GALNTL6: variants seen among roughly 807,000 people sequenced by gnomAD.
GALNTL6 encodes polypeptide N-acetylgalactosaminyltransferase-like 6.
A neutral mutation model predicts 73.7 loss-of-function variants in GALNTL6; 46 were observed. The observed-to-expected ratio is 0.62, with a 90% CI of 0.49 to 0.80. GALNTL6 has a LOEUF of 0.80. GALNTL6 is among the 30% of genes least tolerant of loss of function. The pLI is 0.00. For synonymous variants in GALNTL6, 259 were observed against 263.7 expected, an observed-to-expected ratio of 0.98 and a Z score of 0.17; for missense variants, 604 against 755.0, an observed-to-expected ratio of 0.80 and a Z score of 2.34.
chr4:172,528,307 T>G (rs1735029685), intron 5 of GALNTL6, among the ~76,000 whole-genome samples: 1 of 133,310 alleles, frequency 7.5e-6, no homozygotes, highest in Non-Finnish European at 1.6e-5. Context: ...ACATTTGGCT[T>G]GCTAGAAATA....
At chr4:172,342,979 G>T (rs1326523035) in intron 4 of GALNTL6, among the ~76,000 whole-genome samples, 2 of 152,148 alleles carry the variant, frequency 1.3e-5, no homozygotes, top group Non-Finnish European at 2.9e-5. Context: ...CAAGATGTTG[G>T]CTATTTCTGC....
intron 2 of GALNTL6, among the ~76,000 whole-genome samples, chr4:171,853,063 C>T (rs1309140170): frequency 8.3e-6 from 1 of 120,448 alleles, no homozygotes; most frequent in African/African-American, 3.0e-5. Flanking sequence ...CGGGGTTTCA[C>T]CGTGTTAGCC....
intron 5 of GALNTL6, among the ~76,000 whole-genome samples, chr4:172,445,260 C>A (rs904702844): frequency 6.6e-6 from 1 of 152,056 alleles, no homozygotes; most frequent in South Asian, 2.1e-4. Flanking sequence ...AAGAAGGTTC[C>A]CATTTCCAAA....
intron 3 of GALNTL6, among the ~76,000 whole-genome samples, chr4:172,299,474 G>A (rs1217656194): frequency 6.6e-6 from 1 of 151,896 alleles, no homozygotes; most frequent in Non-Finnish European, 1.5e-5. Flanking sequence ...TGTCAATTTT[G>A]GATCTTTCCT....
intron 3 of GALNTL6, among the ~76,000 whole-genome samples, chr4:172,242,809 T>C (rs1737492604): frequency 6.6e-6 from 1 of 152,238 alleles, no homozygotes; most frequent in East Asian, 1.9e-4. Flanking sequence ...GCATAAGGCA[T>C]TGTAGGAGGT....
chr4:172,967,905 A>T (rs1750406120), intron 10 of GALNTL6, among the ~76,000 whole-genome samples: 1 of 152,182 alleles, frequency 6.6e-6, no homozygotes, highest in Non-Finnish European at 1.5e-5. Context: ...TCAATACTCA[A>T]GTACTTCCCT....
chr4:172,660,937 A>C (rs969676059), intron 5 of GALNTL6, among the ~76,000 whole-genome samples: 1 of 152,242 alleles, frequency 6.6e-6, no homozygotes, highest in Non-Finnish European at 1.5e-5. Flanking sequence ...GACCTACTGC[A>C]GAGGTTTTAT....
chr4:172,561,786 C>T (rs1736380960), intron 5 of GALNTL6, among the ~76,000 whole-genome samples: 1 of 152,120 alleles, frequency 6.6e-6, no homozygotes, highest in African/African-American at 2.4e-5. Context: ...GAGGTGAGAC[C>T]CAGGCATCAC....
chr4:172,413,729 T>G (rs182651135), intron 5 of GALNTL6, among the ~76,000 whole-genome samples: 3,135 of 152,004 alleles, frequency 0.021, 105 homozygotes, highest in African/African-American at 0.071. Flanking sequence ...ATAGATTACC[T>G]GAAAGGGAAA....
chr4:172,100,132 A>G (rs1332599952), intron 2 of GALNTL6, among the ~76,000 whole-genome samples: 4 of 152,152 alleles, frequency 2.6e-5, no homozygotes, highest in African/African-American at 7.2e-5. Flanking sequence ...TAAGAATTAT[A>G]TTGGTTACTT....
chr4:172,566,887 T>A (rs1323940746), intron 5 of GALNTL6, among the ~76,000 whole-genome samples: 1 of 152,116 alleles, frequency 6.6e-6, no homozygotes, highest in Non-Finnish European at 1.5e-5. Context: ...TATGCACAAT[T>A]ACACACCAAT....
chr4:172,031,268 G>A (rs1384964773), intron 2 of GALNTL6, among the ~76,000 whole-genome samples: 2 of 152,016 alleles, frequency 1.3e-5, no homozygotes, highest in Non-Finnish European at 2.9e-5. Flanking sequence ...CAAAAATTAA[G>A]TATGTTTACT....
intron 2 of GALNTL6, among the ~76,000 whole-genome samples, chr4:172,146,564 A>T (rs1380569217): frequency 6.6e-6 from 1 of 152,204 alleles, no homozygotes; most frequent in Non-Finnish European, 1.5e-5. Flanking sequence ...TGGTAAATGT[A>T]TTATTCAGAA....
intron 2 of GALNTL6, among the ~76,000 whole-genome samples, chr4:171,905,545 G>A (rs1171066773): frequency 1.3e-5 from 2 of 149,902 alleles, no homozygotes; most frequent in Non-Finnish European, 3.0e-5. Flanking sequence ...TTAATAATGG[G>A]AGACTTTAAC....
chr4:172,811,107 T>C (rs1268007029), intron 6 of GALNTL6, among the ~76,000 whole-genome samples: 1 of 152,178 alleles, frequency 6.6e-6, no homozygotes, highest in Admixed American at 6.5e-5. Context: ...TTTTCCTCTA[T>C]CAGTGTCTTG....
intron 10 of GALNTL6, among the ~76,000 whole-genome samples, chr4:172,959,877 G>C (rs1300225703): frequency 1.3e-5 from 2 of 152,222 alleles, no homozygotes; most frequent in Non-Finnish European, 2.9e-5. Flanking sequence ...CCTGCCTGCT[G>C]CGGTTTAGGC....
At position 172,234,780 on chromosome 4, in the gene GALNTL6, A is replaced by G. The variant is rs191448767; in HGVS notation, c.247+5016A>G. Among the ~76,000 whole-genome samples, 50 of 152,214 alleles carry G rather than the reference A, an allele frequency of 3.3e-4. 4 individuals are homozygous for G. The highest frequency in any genetic ancestry group is 2.9e-3 in the Admixed American group (45 of 15,286). On this transcript the variant is annotated intron_variant, in intron 3 of 12. Coordinates refer to ENST00000506823, the MANE Select transcript of GALNTL6 (RefSeq NM_001034845.3). ...TTCTATTCTTATCAAGTCTTTGTCAAGTTTTGGTAACAGTATAATGAGCTC... is the reference window on the plus strand; with the variant it reads ...TTCTATTCTTATCAAGTCTTTGTCAGGTTTTGGTAACAGTATAATGAGCTC...
chr4:172,230,857 G>A (rs1380386932), intron 3 of GALNTL6, among the ~76,000 whole-genome samples: 2 of 152,030 alleles, frequency 1.3e-5, no homozygotes, highest in African/African-American at 2.4e-5. Flanking sequence ...TTATAACTTA[G>A]CCAGGGTGTG....
chr4:172,891,900 C>G (rs114844011), intron 8 of GALNTL6, among the ~76,000 whole-genome samples: 1 of 152,232 alleles, frequency 6.6e-6, no homozygotes, highest in Admixed American at 6.5e-5. Context: ...TCAGCTTACT[C>G]TAGTCTTTTG....
Sources: allele counts gnomAD v4.1 joint callset (sites outside exome capture counted in the v4.1 genomes callset), GRCh38; gene constraint gnomAD v4.1.1; transcripts MANE v1.5; gene names NCBI Gene and HGNC (gene_info 2026-07-23, HGNC 2026-07-21).